MAD1L1: variants seen among roughly 807,000 people sequenced by gnomAD.
The protein encoded by MAD1L1 is mitotic arrest deficient 1 like 1, also known as mitotic spindle assembly checkpoint protein MAD1.
In MAD1L1, 95 loss-of-function variants were observed where a neutral mutation model predicts 96.9. The ratio of observed to expected loss-of-function variants is 0.98; its 90% CI spans 0.83 to 1.16. The LOEUF (loss-of-function observed/expected upper bound fraction) is 1.16. Ranked by LOEUF, MAD1L1 falls within the 50% of genes most tolerant of loss-of-function variation. MAD1L1 has a pLI of 0.00. For missense variants in MAD1L1, 1,007 were observed against 954.4 expected (o/e 1.06, Z -0.73); for synonymous variants, 473 against 396.6 (o/e 1.19, Z -2.29).
intron 11 of MAD1L1, among the ~76,000 whole-genome samples, chr7:2,115,036 C>G (rs1355641418): frequency 3.3e-5 from 5 of 152,246 alleles, no homozygotes; most frequent in African/African-American, 1.2e-4. Context: ...AGACCTGCAT[C>G]AGAGCCCGAA....
At chr7:2,091,551 G>A (rs746949025) in intron 11 of MAD1L1, among the ~76,000 whole-genome samples, 15 of 152,164 alleles carry the variant, frequency 9.9e-5, no homozygotes, top group African/African-American at 3.4e-4. Context: ...CGAGGTGGGC[G>A]GATCACAAGG....
At chr7:1,993,761 G>C (rs1038648265) in intron 14 of MAD1L1, among the ~76,000 whole-genome samples, 2 of 152,212 alleles carry the variant, frequency 1.3e-5, no homozygotes, top group African/African-American at 2.4e-5. Context: ...TTGCAAACTG[G>C]TAAAAACTGA....
At chr7:1,997,047 C>G (rs1223367796) in intron 14 of MAD1L1, among the ~76,000 whole-genome samples, 1 of 152,148 alleles carries the variant, frequency 6.6e-6, no homozygotes, top group African/African-American at 2.4e-5. Context: ...CCCAGGAAAT[C>G]TCTCCTTGCG....
At chr7:1,871,653 TGCTGAACCCAACATACGCCTGCCAC>T (rs1785110783) in intron 18 of MAD1L1, among the ~76,000 whole-genome samples, 1 of 79,474 alleles carries the variant, frequency 1.3e-5, no homozygotes, top group Admixed American at 1.3e-4. Flanking sequence ...ACGCCTGCCA[TGCTGAACCCAACATACGCCTGCCAC>T]GCTGAACCCA....
chr7:2,107,822 A>G (rs1201453585), intron 11 of MAD1L1: 3 of 152,290 alleles, frequency 2.0e-5, no homozygotes, highest in Non-Finnish European at 4.4e-5. Context: ...ATGCTTGGAC[A>G]CAGTGATGGG....
At position 2,119,162 on chromosome 7, in the gene MAD1L1, C is replaced by A. The variant is rs1425920196; in HGVS notation, c.1073+29990G>T. Among the ~76,000 whole-genome samples, 2 of 152,132 alleles carry A rather than the reference C, an allele frequency of 1.3e-5. No homozygotes were observed. The highest frequency in any genetic ancestry group is 2.9e-5 in the Non-Finnish European group (2 of 68,024). ...ACAAAGCAAGAAGGTTCAGGCCAGG[C>A]AGCCTGGACTCCTGCTGTGTTTCAT... On this transcript the variant is annotated intron_variant, in intron 11 of 18. Coordinates refer to ENST00000265854, the MANE Select transcript of MAD1L1 (RefSeq NM_001013836.2). This position sits in a 1 kb window ranked among gnomAD's most constrained non-coding sequence, Gnocchi z 4.6.
chr7:2,167,612 T>TCCAGCTACTCA (rs1790501573), intron 10 of MAD1L1, among the ~76,000 whole-genome samples: 1 of 151,702 alleles, frequency 6.6e-6, no homozygotes, highest in Admixed American at 6.6e-5. Flanking sequence ...GCACCTGTAA[T>TCCAGCTACTCA]CCAGCTACTC....
At chr7:1,897,923 C>G (rs778677827) in intron 18 of MAD1L1, among the ~76,000 whole-genome samples, 1 of 152,250 alleles carries the variant, frequency 6.6e-6, no homozygotes, top group Non-Finnish European at 1.5e-5. Flanking sequence ...GAACGAAGCC[C>G]AAGTTGCGAC....
rs1224077451 is a variant in MAD1L1 at position 1,879,253 on chromosome 7, C to T, written c.1998+18947G>A. Among the ~76,000 whole-genome samples, 5 of 151,956 alleles carry T rather than the reference C, an allele frequency of 3.3e-5. No homozygotes were observed. In the East Asian group the frequency reaches 7.7e-4, roughly 23 times the overall value. On this transcript the variant is annotated intron_variant, in intron 18 of 18. Transcript: ENST00000265854. The stretch of plus-strand genomic sequence containing the variant: ...GGTGGATTGCCTGAAGTCAGGAGTT[C>T]GAGACCAGCCTGGTCAACATGGTAA...
intron 12 of MAD1L1, among the ~76,000 whole-genome samples, chr7:2,015,898 G>A (rs1308308558): frequency 1.3e-5 from 2 of 152,250 alleles, no homozygotes; most frequent in African/African-American, 4.8e-5. Context: ...GCTCTCAGCA[G>A]CCTCTGCTGA....
At chr7:2,159,110 G>A (rs1418573118) in intron 10 of MAD1L1, among the ~76,000 whole-genome samples, 1 of 152,218 alleles carries the variant, frequency 6.6e-6, no homozygotes, top group Non-Finnish European at 1.5e-5. Context: ...TGTGGTTTCA[G>A]GCCTGGCTGC....
At chr7:1,881,361 C>T (rs548627073) in intron 18 of MAD1L1, among the ~76,000 whole-genome samples, 31 of 152,260 alleles carry the variant, frequency 2.0e-4, no homozygotes, top group Non-Finnish European at 4.3e-4. Context: ...AAAAAATTTG[C>T]AACCTCCAGC....
intron 18 of MAD1L1, among the ~76,000 whole-genome samples, chr7:1,845,108 G>A (rs1783522799): frequency 6.6e-6 from 1 of 152,216 alleles, no homozygotes; most frequent in African/African-American, 2.4e-5. Context: ...AGAGCGAAGG[G>A]GTCTCCTCTT....
At chr7:1,954,078 C>A (rs892123030) in intron 16 of MAD1L1, among the ~76,000 whole-genome samples, 2 of 152,222 alleles carry the variant, frequency 1.3e-5, no homozygotes, top group Non-Finnish European at 2.9e-5. Flanking sequence ...GTGGGTCCTG[C>A]CCCAGCTCGG....
intron 11 of MAD1L1, chr7:2,109,403 G>A (rs973788572): frequency 5.3e-5 from 8 of 152,198 alleles, no homozygotes; most frequent in African/African-American, 1.2e-4. Context: ...GGAGCCCCAC[G>A]CCCGCCAACC....
chr7:1,903,044 T>C (rs913056525), intron 17 of MAD1L1, among the ~76,000 whole-genome samples: 5 of 150,748 alleles, frequency 3.3e-5, no homozygotes, highest in African/African-American at 1.2e-4. Context: ...GAGAATGCAG[T>C]GGCCTATGGA....
At chr7:1,907,987 G>A (rs1033947085) in intron 17 of MAD1L1, among the ~76,000 whole-genome samples, 3 of 152,250 alleles carry the variant, frequency 2.0e-5, no homozygotes, top group African/African-American at 4.8e-5. Context: ...TGACCCCAGA[G>A]CTCAGGAGTC....
chr7:1,856,724 G>C (rs1784275650), intron 18 of MAD1L1, among the ~76,000 whole-genome samples: 1 of 152,172 alleles, frequency 6.6e-6, no homozygotes, highest in Non-Finnish European at 1.5e-5. Flanking sequence ...ACCAGTCCCT[G>C]CTTCCTGCCA....
In MAD1L1 at chr7:2,103,021, C is replaced by G. The variant is rs1194611654; in HGVS notation, c.1074-33683G>C. Among the ~76,000 whole-genome samples, 1 of 152,228 alleles carries G rather than the reference C, an allele frequency of 6.6e-6. No individual in the cohort carries two copies. The highest frequency in any genetic ancestry group is 2.4e-5 in the African/African-American group (1 of 41,458). On this transcript the variant is annotated intron_variant, in intron 11 of 18. Coordinates refer to ENST00000265854, the MANE Select transcript of MAD1L1 (RefSeq NM_001013836.2). This position sits in a 1 kb window ranked among gnomAD's most constrained non-coding sequence, Gnocchi z 4.3. ...AGCTCCACAACTCAGAGGAGGCAGC[C>G]TCCGTGATGCTGCCAACACCTGGGT...
Sources: gnomAD v4.1 joint callset for allele counts (sites outside exome capture counted in the v4.1 genomes callset) on GRCh38, gnomAD v4.1.1 for gene constraint, Gnocchi (gnomAD v3.1) non-coding constraint, MANE v1.5 for transcripts, NCBI Gene and HGNC (gene_info 2026-07-23, HGNC 2026-07-21) for gene names.